LSS: variants seen among roughly 807,000 people sequenced by gnomAD.
LSS encodes lanosterol synthase.
A neutral mutation model predicts 110.3 loss-of-function variants in LSS; 90 were observed. The ratio of observed to expected loss-of-function variants is 0.82; its 90% CI spans 0.69 to 0.97. The LOEUF is 0.97. Among genes scored for constraint, LSS ranks in the 50% least tolerant of loss-of-function variants. The pLI, the probability that LSS is intolerant of heterozygous loss-of-function variation, is 0.00. For synonymous variants in LSS, 433 were observed against 400.0 expected, an observed-to-expected ratio of 1.08 and a Z score of -0.98; for missense variants, 927 against 990.0, an observed-to-expected ratio of 0.94 and a Z score of 0.85.
Position 46,207,548 on chromosome 21 carries a change from G to A in LSS, c.1347C>T (p.Cys449=), listed in dbSNP as rs145106003. Residue 449 remains cysteine, a synonymous_variant, in exon 15 of 22, where the codon TGC becomes TGT. Coordinates refer to ENST00000397728, the MANE Select transcript of LSS (RefSeq NM_002340.6). ...KGGFSFSTLD[C]GWIVSDCTAE... is the part of the protein sequence containing the mutation. ...CCGTGCAGTCAGAAACGATCCAGCC[G>A]CAGTCCAGCGTACTGAAGGAGAAGC... 3.0e-5 allele frequency: 48 copies of A among 1,609,710 alleles called. No individual in the cohort carries two copies. The highest frequency in any genetic ancestry group is 3.3e-4 in the Middle Eastern group (2 of 6,078).
intron 5 of LSS, chr21:46,220,305 A>G (rs1005163603): frequency 6.6e-6 from 1 of 152,310 alleles, no homozygotes; most frequent in African/African-American, 2.4e-5. Flanking sequence ...ACGCAGCATC[A>G]ACGACACCAA....
rs370669238 is a variant in LSS at position 46,227,528 on chromosome 21, C to G, written c.319+24G>C. On this transcript the variant is annotated intron_variant, in intron 3 of 21. Transcript: ENST00000397728. Reference sequence around the variant, plus strand: ...GGGTGATCCAGGGTGGCCATACCATCAGGCTGGGGCAGCATACTCCTACCT... The same window carrying G: ...GGGTGATCCAGGGTGGCCATACCATGAGGCTGGGGCAGCATACTCCTACCT... 1.2e-5 allele frequency: 20 copies of G among 1,613,256 alleles called. No individual in the cohort carries two copies. In the East Asian group the frequency reaches 4.5e-4, roughly 36 times the overall value.
At chr21:46,221,351 A>T (rs2080277545) in intron 5 of LSS, among the ~76,000 whole-genome samples, 1 of 55,436 alleles carries the variant, frequency 1.8e-5, no homozygotes, top group African/African-American at 7.8e-5. Context: ...TGGTTGTCTT[A>T]GTTTGCTTGG....
At chr21:46,206,054 G>A (rs567450051) in intron 16 of LSS, 113 bp from the exon 17 acceptor site, 2 of 769,516 alleles carry the variant, frequency 2.6e-6, no homozygotes, top group African/African-American at 1.7e-5. Flanking sequence ...GGGCCCGGAC[G>A]CTGCCTCCCT....
intron 17 of LSS, 55 bp from the exon 18 acceptor site, chr21:46,196,322 C>G: frequency 7.2e-7 from 1 of 1,391,108 alleles, no homozygotes; most frequent in Non-Finnish European, 1.0e-6. Flanking sequence ...GTTTACCTAT[C>G]CCAATTCCAT....
rs758379607 is a variant in LSS at position 46,209,636 on chromosome 21, C to T, written c.1195-11G>A. Reference sequence around the variant, plus strand: ...GTGGTGCCCGCCCGCCTGGAAGAGACAGCAGGACAGAGAGGCTCAGCTGCC... The same window carrying T: ...GTGGTGCCCGCCCGCCTGGAAGAGATAGCAGGACAGAGAGGCTCAGCTGCC... On this transcript the variant is annotated splice_polypyrimidine_tract_variant and intron_variant, in intron 12 of 21. Coordinates refer to ENST00000397728, the MANE Select transcript of LSS (RefSeq NM_002340.6). The surrounding 1 kb of genome is among the most constrained non-coding windows in gnomAD (Gnocchi z 4.4). 2 of 1,606,130 alleles carry T rather than the reference C, an allele frequency of 1.2e-6. No individual in the cohort carries two copies. The highest frequency in any genetic ancestry group is 1.7e-6 in the Non-Finnish European group (2 of 1,176,796).
Position 46,201,556 on chromosome 21 carries a change from G to A in LSS, c.1670+4280C>T, listed in dbSNP as rs2079978164. 2.0e-5 allele frequency among the ~76,000 whole-genome samples: 3 copies of A among 151,204 alleles called. No homozygotes were observed. In the South Asian group the frequency reaches 6.3e-4, roughly 32 times the overall value. On this transcript the variant is annotated intron_variant, in intron 17 of 21. Transcript: ENST00000397728. ...GGAGGACAGGTCATGAAGCCCTGAG[G>A]GTAGAGCCTGGATCATGTGGGAGGA...
At chr21:46,223,759 G>A (rs564964751) in intron 3 of LSS, among the ~76,000 whole-genome samples, 1 of 152,366 alleles carries the variant, frequency 6.6e-6, no homozygotes, top group East Asian at 1.9e-4. Flanking sequence ...GTGACCAGAA[G>A]ACAGGAGTGC....
At chr21:46,197,281 T>C (rs1401393048) in intron 17 of LSS, among the ~76,000 whole-genome samples, 1 of 152,092 alleles carries the variant, frequency 6.6e-6, no homozygotes, top group Admixed American at 6.5e-5. Context: ...AGAGAAAATA[T>C]CTACAAATTA....
chr21:46,190,983 T>G lies in LSS; in HGVS notation c.*121A>C. Reference sequence around the variant, plus strand: ...CCAGCCTGGCCCCCAGATTCACATCTATGAGATAGAGGTTGAGGGGTTGGA... The same window carrying G: ...CCAGCCTGGCCCCCAGATTCACATCGATGAGATAGAGGTTGAGGGGTTGGA... On this transcript the variant is annotated 3_prime_UTR_variant, in exon 22 of 22. Transcript: ENST00000397728. This position sits in a 1 kb window ranked among gnomAD's most constrained non-coding sequence, Gnocchi z 4.6. 8.2e-7 allele frequency: 1 copy of G among 1,213,578 alleles called. No homozygotes were observed. Among genetic ancestry groups the G allele is most frequent in the Admixed American group, 2.4e-5 (1 of 41,398 alleles). 75.2% of individuals were successfully genotyped at this position (1,213,578 alleles called of 1,614,324 possible).
chr21:46,228,119 C>G (rs1466751495), intron 2 of LSS, among the ~76,000 whole-genome samples: 1 of 152,232 alleles, frequency 6.6e-6, no homozygotes, highest in Non-Finnish European at 1.5e-5. Context: ...ACAATGCACA[C>G]AACTAAGACA....
intron 11 of LSS, among the ~76,000 whole-genome samples, 153 bp downstream of exon 11, chr21:46,212,872 G>A (rs1170700905): frequency 6.6e-6 from 1 of 152,152 alleles, no homozygotes; most frequent in Non-Finnish European, 1.5e-5. Context: ...GCACCCACAG[G>A]GACACGGCCA....
intron 10 of LSS, among the ~76,000 whole-genome samples, chr21:46,213,411 G>A (rs965686278): frequency 2.6e-5 from 4 of 152,192 alleles, no homozygotes; most frequent in Admixed American, 6.5e-5. Flanking sequence ...TCCATGACAG[G>A]GGCCCCACCT....
Position 46,190,676 on chromosome 21 carries a change from G to C in LSS, c.*428C>G, listed in dbSNP as rs1365959302. The stretch of plus-strand genomic sequence containing the variant: ...AGCCCAGCAGACAAAAGGTGCAGGA[G>C]AAGCCTGCCCAGGGCCGACCCCAGC... On this transcript the variant is annotated 3_prime_UTR_variant, in exon 22 of 22. Transcript: ENST00000397728. The surrounding 1 kb of genome is among the most constrained non-coding windows in gnomAD (Gnocchi z 4.6). 1 of 183,536 alleles carries C rather than the reference G, an allele frequency of 5.4e-6. No homozygotes were observed. The highest frequency in any genetic ancestry group is 1.1e-5 in the Non-Finnish European group (1 of 88,106). 11.4% of individuals were successfully genotyped at this position (183,536 alleles called of 1,614,324 possible). A position where few individuals can be genotyped will look rare whatever the true frequency, so the allele number is the denominator to read the frequency against.
Position 46,227,099 on chromosome 21 carries a change from C to G in LSS, c.319+453G>C, listed in dbSNP as rs188352088. On this transcript the variant is annotated intron_variant, in intron 3 of 21. Transcript: ENST00000397728. Reference sequence around the variant, plus strand: ...TAGCCAAATCAGTTCAATACCCAGGCAGTCCAACTGCTATGCTCCTCCTAC... The same window carrying G: ...TAGCCAAATCAGTTCAATACCCAGGGAGTCCAACTGCTATGCTCCTCCTAC... Among the ~76,000 whole-genome samples the G allele has an allele frequency of 3.3e-5, 5 of 152,330 alleles. No homozygotes were observed. The East Asian group carries it at 9.6e-4, about 29-fold the overall frequency.
intron 19 of LSS, 99 bp from the exon 20 acceptor site, chr21:46,194,760 C>CCCATCG: frequency 8.0e-7 from 1 of 1,256,290 alleles, no homozygotes. Flanking sequence ...GGGGAGGAGC[C>CCCATCG]TGCACGATGG....
chr21:46,208,454 G>A (rs1406761499), intron 13 of LSS, among the ~76,000 whole-genome samples, 153 bp from the exon 14 acceptor site: 1 of 152,182 alleles, frequency 6.6e-6, no homozygotes, highest in African/African-American at 2.4e-5. Context: ...CTGGTGCTGC[G>A]AGGCGCGCGA....
intron 6 of LSS, among the ~76,000 whole-genome samples, chr21:46,219,167 C>T (rs2080243277): frequency 6.6e-6 from 1 of 152,056 alleles, no homozygotes; most frequent in Admixed American, 6.6e-5. Context: ...GGGAGGGGCA[C>T]CCCCCCACTT....
At chr21:46,206,651 C>A (rs1356186020) in intron 16 of LSS, 21 bp downstream of exon 16, 2 of 1,602,982 alleles carry the variant, frequency 1.2e-6, no homozygotes, top group Non-Finnish European at 1.7e-6. Context: ...TTGCGCGCCG[C>A]AGTGCTGGCC....
Sources: allele counts gnomAD v4.1 joint callset (sites outside exome capture counted in the v4.1 genomes callset), GRCh38; gene constraint gnomAD v4.1.1; non-coding constraint Gnocchi (gnomAD v3.1); transcripts MANE v1.5; gene names NCBI Gene and HGNC (gene_info 2026-07-23, HGNC 2026-07-21).